The following GRM7 variants were observed in gnomAD, a reference collection of about 807,000 sequenced individuals.
GRM7 encodes the protein glutamate metabotropic receptor 7.
Under a neutral mutation model 84.5 loss-of-function variants are expected in GRM7, and 35 were observed. The ratio of observed to expected loss-of-function variants is 0.41; its 90% CI spans 0.32 to 0.55. The LOEUF is 0.55. GRM7 is among the 20% of genes least tolerant of loss of function. GRM7 has a pLI of 0.19. For missense variants in GRM7, 1,003 were observed against 1,194.6 expected (o/e 0.84, Z 2.36); for synonymous variants, 487 against 455.1 (o/e 1.07, Z -0.89).
At chr3:6,912,149 C>T (rs1330366701) in intron 1 of GRM7, among the ~76,000 whole-genome samples, 2 of 152,042 alleles carry the variant, frequency 1.3e-5, no homozygotes, top group South Asian at 2.1e-4. Context: ...TCCCACAGGA[C>T]ATTAATTGAT....
chr3:7,525,276 T>A (rs745727167), intron 7 of GRM7, among the ~76,000 whole-genome samples: 5 of 151,924 alleles, frequency 3.3e-5, no homozygotes, highest in Non-Finnish European at 7.4e-5. Flanking sequence ...AATAATAAAA[T>A]AAAAAAATCT....
intron 9 of GRM7, among the ~76,000 whole-genome samples, chr3:7,730,031 C>T (rs1702259074): frequency 6.7e-6 from 1 of 149,804 alleles, no homozygotes; most frequent in African/African-American, 2.5e-5. Flanking sequence ...CCCACCATCA[C>T]ACCTGGCTAA....
intron 4 of GRM7, among the ~76,000 whole-genome samples, chr3:7,344,605 A>G (rs1192880719): frequency 1.3e-5 from 2 of 152,192 alleles, no homozygotes; most frequent in Non-Finnish European, 2.9e-5. Context: ...AAATTATATA[A>G]AAGCCTGTTA....
chr3:7,487,412 T>G (rs561024182), intron 7 of GRM7, among the ~76,000 whole-genome samples: 1 of 152,276 alleles, frequency 6.6e-6, no homozygotes, highest in Admixed American at 6.5e-5. Flanking sequence ...TCAGTTGTTG[T>G]GCATCAGGAC....
intron 4 of GRM7, among the ~76,000 whole-genome samples, chr3:7,399,179 C>CAATAATAATAATAAT (rs146619960): frequency 1.4e-5 from 2 of 146,248 alleles, no homozygotes; most frequent in African/African-American, 5.0e-5. Flanking sequence ...ACAACAAGAA[C>CAATAATAATAATAAT]AATAATAATA....
At chr3:6,881,048 G>T (rs1409163015) in intron 1 of GRM7, among the ~76,000 whole-genome samples, 1 of 152,072 alleles carries the variant, frequency 6.6e-6, no homozygotes, top group Non-Finnish European at 1.5e-5. Flanking sequence ...TTATATGCCT[G>T]TACATTGTCT....
intron 8 of GRM7, among the ~76,000 whole-genome samples, chr3:7,597,793 A>G (rs114855087): frequency 2.1e-3 from 327 of 152,300 alleles, no homozygotes; most frequent in African/African-American, 7.5e-3. Context: ...AATAGATCCT[A>G]TAGTGCTGGC....
At chr3:7,709,120 T>C (rs1040129752) in intron 9 of GRM7, among the ~76,000 whole-genome samples, 1 of 152,112 alleles carries the variant, frequency 6.6e-6, no homozygotes, top group Non-Finnish European at 1.5e-5. Context: ...TTTCACTTAT[T>C]GAACCCATCT....
rs113704704 is a variant in GRM7 at position 7,053,427 on chromosome 3, T to G, written c.520-93025T>G. Among the ~76,000 whole-genome samples, 954 of 151,762 alleles carry G rather than the reference T, an allele frequency of 6.3e-3. 4 individuals carry two copies. Among genetic ancestry groups the G allele is most frequent in the Middle Eastern group, 0.014 (4 of 294 alleles). ...GTCCAATTTATCCCTGTTTCTGTCT[T>G]TTATTCTTTTGTGTCCTGTTTAAGA... On this transcript the variant is annotated intron_variant, in intron 1 of 9. Transcript: ENST00000357716.
At chr3:7,723,635 G>A (rs1224099786) in intron 9 of GRM7, among the ~76,000 whole-genome samples, 6 of 152,110 alleles carry the variant, frequency 3.9e-5, no homozygotes, top group Admixed American at 1.3e-4. Context: ...GATGACTTGA[G>A]GCCAAGATTT....
intron 9 of GRM7, chr3:7,691,286 A>G: frequency 7.8e-7 from 1 of 1,281,686 alleles, no homozygotes; most frequent in South Asian, 1.3e-5. Flanking sequence ...GAGCTGACCC[A>G]ACACTTAGGA....
At chr3:7,269,876 T>A (rs897218718) in intron 2 of GRM7, among the ~76,000 whole-genome samples, 22 of 152,058 alleles carry the variant, frequency 1.4e-4, no homozygotes, top group African/African-American at 5.1e-4. Context: ...TTACTCCTGC[T>A]GTTTTCTTAA....
chr3:6,941,588 A>G (rs1219003029), intron 1 of GRM7, among the ~76,000 whole-genome samples: 1 of 152,208 alleles, frequency 6.6e-6, no homozygotes, highest in Non-Finnish European at 1.5e-5. Context: ...AGGATTTTCA[A>G]CTGATTTAGA....
intron 2 of GRM7, among the ~76,000 whole-genome samples, chr3:7,193,611 T>C (rs1364719813): frequency 6.6e-6 from 1 of 152,066 alleles, no homozygotes; most frequent in Non-Finnish European, 1.5e-5. Flanking sequence ...ACATCTATGA[T>C]GTCTAAGATG....
At chr3:7,074,229 A>G (rs1574865727) in intron 1 of GRM7, among the ~76,000 whole-genome samples, 1 of 152,284 alleles carries the variant, frequency 6.6e-6, no homozygotes, top group Non-Finnish European at 1.5e-5. Flanking sequence ...TGTGTAGCCA[A>G]GGAAAATGAG....
chr3:7,584,379 T>C (rs376796925), intron 8 of GRM7, among the ~76,000 whole-genome samples: 17 of 152,332 alleles, frequency 1.1e-4, no homozygotes, highest in African/African-American at 2.9e-4. Flanking sequence ...AGAGGAAATA[T>C]TGACTTATGT....
At chr3:7,582,593 G>C (rs931819477) in intron 8 of GRM7, among the ~76,000 whole-genome samples, 2 of 152,134 alleles carry the variant, frequency 1.3e-5, no homozygotes, top group Admixed American at 1.3e-4. Flanking sequence ...AAAGTGGCTT[G>C]AAGAAAGAAT....
chr3:7,123,022 C>T (rs1693276931), intron 1 of GRM7, among the ~76,000 whole-genome samples: 1 of 152,194 alleles, frequency 6.6e-6, no homozygotes, highest in Non-Finnish European at 1.5e-5. Flanking sequence ...TGCACCCTTA[C>T]TTACAGTGAA....
intron 4 of GRM7, among the ~76,000 whole-genome samples, chr3:7,395,820 G>A (rs533988210): frequency 1.1e-4 from 17 of 152,234 alleles, no homozygotes; most frequent in Admixed American, 4.6e-4. Context: ...TATCAGCAGC[G>A]TGAGAATGAA....
Sources: allele counts gnomAD v4.1 joint callset (sites outside exome capture counted in the v4.1 genomes callset), GRCh38; gene constraint gnomAD v4.1.1; transcripts MANE v1.5; gene names NCBI Gene and HGNC (gene_info 2026-07-23, HGNC 2026-07-21).